Variants in GABRB1 observed in about 807,000 individuals in gnomAD.
GABRB1 encodes gamma-aminobutyric acid receptor subunit beta-1.
In GABRB1, 17 loss-of-function variants were observed where a neutral mutation model predicts 51.6. That is an observed-to-expected ratio of 0.33 (90% CI 0.23 to 0.49). GABRB1 has a LOEUF of 0.49. Ranked by LOEUF, GABRB1 falls within the 20% of genes least tolerant of loss-of-function variation. The probability of loss-of-function intolerance (pLI) is 0.99; values close to 1 mark genes in which losing one functional copy is unlikely to be tolerated. For missense variants in GABRB1, 410 were observed against 600.6 expected, an observed-to-expected ratio of 0.68 and a Z score of 3.32; for synonymous variants, 247 against 218.9, an observed-to-expected ratio of 1.13 and a Z score of -1.14.
chr4:47,272,781 C>T (rs1046253220), intron 4 of GABRB1, among the ~76,000 whole-genome samples: 14 of 152,210 alleles, frequency 9.2e-5, no homozygotes, highest in African/African-American at 3.4e-4. Flanking sequence ...TATTATTGAA[C>T]AAGTAGGTTG....
intron 3 of GABRB1, among the ~76,000 whole-genome samples, chr4:47,158,505 C>T (rs1237716571): frequency 3.9e-5 from 6 of 152,030 alleles, no homozygotes; most frequent in Non-Finnish European, 7.4e-5. Context: ...AATTGTGGAG[C>T]AAGGATTTTG....
intron 4 of GABRB1, among the ~76,000 whole-genome samples, chr4:47,314,257 T>G (rs1724805416): frequency 6.6e-6 from 1 of 152,040 alleles, no homozygotes; most frequent in Non-Finnish European, 1.5e-5. Context: ...TCATAATGGC[T>G]AGCAACAGTA....
At chr4:47,296,866 T>A (rs1724021437) in intron 4 of GABRB1, among the ~76,000 whole-genome samples, 1 of 151,858 alleles carries the variant, frequency 6.6e-6, no homozygotes, top group Admixed American at 6.6e-5. Context: ...GAAGTAAAGC[T>A]CTCCTCAGCA....
At chr4:47,356,378 T>C (rs1386529636) in intron 5 of GABRB1, among the ~76,000 whole-genome samples, 1 of 152,234 alleles carries the variant, frequency 6.6e-6, no homozygotes, top group Non-Finnish European at 1.5e-5. Context: ...GATGTCAGTT[T>C]GCTATTACAA....
chr4:47,173,831 C>T (rs1213875065), intron 4 of GABRB1, among the ~76,000 whole-genome samples: 1 of 152,146 alleles, frequency 6.6e-6, no homozygotes, highest in Admixed American at 6.6e-5. Flanking sequence ...TGCTCAGAAA[C>T]AGATTGATTC....
chr4:47,283,204 C>T (rs1723356670), intron 4 of GABRB1, among the ~76,000 whole-genome samples: 1 of 151,832 alleles, frequency 6.6e-6, no homozygotes, highest in Admixed American at 6.6e-5. Context: ...AAGGTCTTGG[C>T]ATTGGTGAGC....
At chr4:47,274,298 C>G (rs1156710797) in intron 4 of GABRB1, among the ~76,000 whole-genome samples, 4 of 152,062 alleles carry the variant, frequency 2.6e-5, no homozygotes, top group South Asian at 2.1e-4. Context: ...GTGCCTGGCA[C>G]ACATTTAAAA....
chr4:47,276,856 A>C (rs905677987), intron 4 of GABRB1, among the ~76,000 whole-genome samples: 1 of 152,058 alleles, frequency 6.6e-6, no homozygotes, highest in African/African-American at 2.4e-5. Context: ...AGTCATGACA[A>C]TCAAAAGTGT....
intron 4 of GABRB1, among the ~76,000 whole-genome samples, chr4:47,314,483 A>G (rs1724813216): frequency 6.6e-6 from 1 of 152,054 alleles, no homozygotes; most frequent in African/African-American, 2.4e-5. Flanking sequence ...TGGTTAACTA[A>G]CCAGATGACA....
chr4:47,138,660 A>G lies in GABRB1; in HGVS notation c.241-22589A>G, dbSNP rs893508202. The stretch of plus-strand genomic sequence containing the variant: ...CATCATAATTTTGGTGCTGCTCGAT[A>G]CCTTTCAAGCATGTGAAGCATGCCC... On this transcript the variant is annotated intron_variant, in intron 3 of 8. Transcript: ENST00000295454. Among the ~76,000 whole-genome samples, 4 of 152,204 alleles carry G rather than the reference A, an allele frequency of 2.6e-5. No homozygotes were observed. The South Asian group carries it at 8.3e-4, about 32-fold the overall frequency.
chr4:47,193,988 A>G (rs1220952681), intron 4 of GABRB1, among the ~76,000 whole-genome samples: 2 of 152,226 alleles, frequency 1.3e-5, no homozygotes, highest in Non-Finnish European at 2.9e-5. Flanking sequence ...CTCAAAAATA[A>G]GATACAGTAC....
chr4:47,197,905 T>C (rs1437869749), intron 4 of GABRB1, among the ~76,000 whole-genome samples: 1 of 152,222 alleles, frequency 6.6e-6, no homozygotes, highest in Non-Finnish European at 1.5e-5. Context: ...AGCCTTTTAA[T>C]TTATTAAAGC....
chr4:47,407,922 T>C (rs1286246053), intron 8 of GABRB1, among the ~76,000 whole-genome samples: 1 of 152,038 alleles, frequency 6.6e-6, no homozygotes. Context: ...CAAAACCTCA[T>C]CTCTACAAAA....
intron 4 of GABRB1, among the ~76,000 whole-genome samples, chr4:47,258,829 C>T (rs1342796726): frequency 2.6e-5 from 4 of 152,088 alleles, no homozygotes; most frequent in African/African-American, 4.8e-5. Flanking sequence ...ATGAATGATG[C>T]AATAGCATAG....
At chr4:47,202,751 A>G (rs1299191696) in intron 4 of GABRB1, among the ~76,000 whole-genome samples, 2 of 152,148 alleles carry the variant, frequency 1.3e-5, no homozygotes, top group Admixed American at 6.6e-5. Context: ...CAATGTAAAT[A>G]ATAATTCTTT....
intron 3 of GABRB1, among the ~76,000 whole-genome samples, chr4:47,079,333 A>G (rs1471954867): frequency 6.6e-6 from 1 of 152,060 alleles, no homozygotes; most frequent in Non-Finnish European, 1.5e-5. Flanking sequence ...TTCCTGGTTT[A>G]ATCTTGGGAG....
chr4:47,119,612 G>A (rs190543731), intron 3 of GABRB1, among the ~76,000 whole-genome samples: 5 of 151,444 alleles, frequency 3.3e-5, no homozygotes, highest in Non-Finnish European at 7.4e-5. Flanking sequence ...GGGTTCAAGC[G>A]ATTCTGCTGC....
chr4:47,069,457 C>T (rs767398071), intron 3 of GABRB1, among the ~76,000 whole-genome samples: 2 of 152,122 alleles, frequency 1.3e-5, no homozygotes, highest in Non-Finnish European at 2.9e-5. Flanking sequence ...AAAATGACTG[C>T]TAATTTTCTG....
At chr4:47,034,882 ACTTATTG>A (rs992984605) in intron 3 of GABRB1, among the ~76,000 whole-genome samples, 1 of 152,152 alleles carries the variant, frequency 6.6e-6, no homozygotes, top group Non-Finnish European at 1.5e-5. Context: ...GGAAAATAAG[ACTTATTG>A]CTTATTGCTT....
Sources: allele counts gnomAD v4.1 joint callset (sites outside exome capture counted in the v4.1 genomes callset), GRCh38; gene constraint gnomAD v4.1.1; transcripts MANE v1.5; gene names NCBI Gene and HGNC (gene_info 2026-07-23, HGNC 2026-07-21).